Variants in MTHFD1L observed in about 807,000 individuals in gnomAD.
MTHFD1L encodes monofunctional C1-tetrahydrofolate synthase, mitochondrial.
In MTHFD1L, 81 loss-of-function variants were observed where a neutral mutation model predicts 119.5. The ratio of observed to expected loss-of-function variants is 0.68; its 90% CI spans 0.57 to 0.82. The LOEUF is 0.82. Among genes scored for constraint, MTHFD1L ranks in the 40% least tolerant of loss-of-function variants. The pLI is 0.00. For missense variants in MTHFD1L, 1,125 were observed against 1,253.4 expected (o/e 0.90, Z 1.55); for synonymous variants, 430 against 475.2 (o/e 0.90, Z 1.24).
chr6:151,015,463 A>G (rs1782915025), intron 23 of MTHFD1L, 53 bp from the exon 24 acceptor site: 8 of 1,549,116 alleles, frequency 5.2e-6, no homozygotes, highest in Non-Finnish European at 7.0e-6. Flanking sequence ...TCTTTCTTTG[A>G]AAACATAGCT....
At position 150,964,965 on chromosome 6, in the gene MTHFD1L, G is replaced by C. The variant is rs1452620281; in HGVS notation, c.1945-4G>C. 5.0e-6 allele frequency: 8 copies of C among 1,613,484 alleles called. No individual in the cohort carries two copies. The Admixed American group carries it at 1.0e-4, about 20-fold the overall frequency. On this transcript the variant is annotated splice_region_variant and splice_polypyrimidine_tract_variant and intron_variant, in intron 18 of 27. Transcript: ENST00000367321. The stretch of plus-strand genomic sequence containing the variant: ...GGAATCTAATGTTTTTCTCTCTCCT[G>C]TAGGGGGTGACAGGTGCTTTGACAG...
At chr6:151,035,588 T>C (rs924282848) in intron 25 of MTHFD1L, among the ~76,000 whole-genome samples, 2 of 152,208 alleles carry the variant, frequency 1.3e-5, no homozygotes, top group African/African-American at 4.8e-5. Flanking sequence ...AGCACTGCTC[T>C]GTGCACAGGC....
intron 24 of MTHFD1L, among the ~76,000 whole-genome samples, chr6:151,031,034 A>G (rs1785272358): frequency 6.6e-6 from 1 of 152,198 alleles, no homozygotes; most frequent in African/African-American, 2.4e-5. Context: ...TAAATTTTAA[A>G]AAAAGTTACC....
chr6:150,998,157 T>A (rs1226630327), intron 20 of MTHFD1L, among the ~76,000 whole-genome samples: 4 of 152,206 alleles, frequency 2.6e-5, no homozygotes, highest in Non-Finnish European at 5.9e-5. Flanking sequence ...CTATTTTATT[T>A]CCTTTTTTTA....
rs542407658 is a variant in MTHFD1L at position 150,988,050 on chromosome 6, A to G, written c.2125+15992A>G. Reference sequence around the variant, plus strand: ...GCCCATCCCTGCTTATGATTTATATATATTCTAAGTAATATGCTTAGAATG... The same window carrying G: ...GCCCATCCCTGCTTATGATTTATATGTATTCTAAGTAATATGCTTAGAATG... On this transcript the variant is annotated intron_variant, in intron 20 of 27. Transcript: ENST00000367321. Among the ~76,000 whole-genome samples, 31 of 152,328 alleles carry G rather than the reference A, an allele frequency of 2.0e-4. 2 individuals carry two copies. The South Asian group carries it at 6.4e-3, about 32-fold the overall frequency.
chr6:150,944,744 A>G, intron 14 of MTHFD1L, 151 bp downstream of exon 14: 5 of 638,146 alleles, frequency 7.8e-6, no homozygotes, highest in Middle Eastern at 5.2e-4. Context: ...CTGTTTCCCA[A>G]GGAGAAGGAG....
Position 151,092,509 on chromosome 6 carries a change from G to A in MTHFD1L, c.2890G>A (p.Asp964Asn). ...PGLPTRPCFY[D>N]IDLDTETEQV... is the part of the protein sequence containing the mutation. The stretch of plus-strand genomic sequence containing the variant: ...ACTGCCCACCCGGCCCTGCTTTTAT[G>A]ACATAGATCTTGATACCGAAACAGA... Residue 964 changes from aspartate to asparagine, a missense_variant, in exon 27 of 28, where the codon GAC (aspartate) becomes AAC (asparagine). Coordinates refer to ENST00000367321, the MANE Select transcript of MTHFD1L (RefSeq NM_015440.5). 3 of 1,614,128 alleles carry A rather than the reference G, an allele frequency of 1.9e-6. No homozygotes were observed. The highest frequency in any genetic ancestry group is 2.5e-6 in the Non-Finnish European group (3 of 1,180,024).
At chr6:151,082,498 C>G (rs1157438950) in intron 26 of MTHFD1L, among the ~76,000 whole-genome samples, 2 of 152,014 alleles carry the variant, frequency 1.3e-5, no homozygotes, top group African/African-American at 4.8e-5. Flanking sequence ...AATTGTAGAC[C>G]CAGAAAAATT....
At chr6:150,876,065 A>C in intron 1 of MTHFD1L, 25 bp from the exon 2 acceptor site, 1 of 1,519,596 alleles carries the variant, frequency 6.6e-7, no homozygotes, top group Non-Finnish European at 9.1e-7. Flanking sequence ...AAGAAATCAC[A>C]ATGTTGTTTT....
chr6:150,904,342 C>T (rs150630273), intron 7 of MTHFD1L, among the ~76,000 whole-genome samples: 19 of 152,224 alleles, frequency 1.2e-4, no homozygotes, highest in East Asian at 5.8e-4. Flanking sequence ...CATCAAAATA[C>T]GCAGGAAAGA....
chr6:150,901,964 CT>C lies in MTHFD1L; in HGVS notation c.781-3675del, dbSNP rs113707030. On this transcript the variant is annotated intron_variant, in intron 7 of 27. Transcript: ENST00000367321. ...TAAACCACAATTCTTTAGAAAATATCTTTTTTTTTTTACCCATTCTGGATTT... is the reference window on the plus strand; with the variant it reads ...TAAACCACAATTCTTTAGAAAATATCTTTTTTTTTTACCCATTCTGGATTT... 4.5e-3 allele frequency among the ~76,000 whole-genome samples: 654 copies of C among 146,336 alleles called. 2 individuals are homozygous for C. The highest frequency in any genetic ancestry group is 0.013 in the African/African-American group (524 of 40,126).
chr6:151,088,998 C>T (rs183064746), intron 26 of MTHFD1L, among the ~76,000 whole-genome samples: 7 of 152,246 alleles, frequency 4.6e-5, no homozygotes, highest in Admixed American at 1.3e-4. Context: ...TTTGGTCAGA[C>T]GAGCTGAAAT....
chr6:151,045,277 T>A (rs1326269914), intron 26 of MTHFD1L, among the ~76,000 whole-genome samples: 1 of 152,116 alleles, frequency 6.6e-6, no homozygotes, highest in Non-Finnish European at 1.5e-5. Context: ...CTTGGAGATG[T>A]GTAAGCAGTA....
chr6:150,974,724 C>CTTTT lies in MTHFD1L; in HGVS notation c.2125+2683_2125+2686dup, dbSNP rs58490721. ...TGCAGCAGGCGTCAGAATTCTCTTCCTTTTTTTTTTTTTTTTTTTTATTTT... is the reference window on the plus strand; with the variant it reads ...TGCAGCAGGCGTCAGAATTCTCTTCCTTTTTTTTTTTTTTTTTTTTTTTTATTTT... On this transcript the variant is annotated intron_variant, in intron 20 of 27. Transcript: ENST00000367321. 2.6e-4 allele frequency among the ~76,000 whole-genome samples: 38 copies of CTTTT among 144,708 alleles called. No homozygotes were observed. The East Asian group carries it at 6.6e-3, about 25-fold the overall frequency. The allele number at this position is 144,708 out of a possible 152,430, so 94.9% of individuals were successfully genotyped here. A position where few individuals can be genotyped will look rare whatever the true frequency, so the allele number is the denominator to read the frequency against.
At chr6:151,065,834 G>A (rs1487661703) in intron 26 of MTHFD1L, among the ~76,000 whole-genome samples, 1 of 152,206 alleles carries the variant, frequency 6.6e-6, no homozygotes, top group Non-Finnish European at 1.5e-5. Context: ...ACCAGGATAG[G>A]AGTGCTGATC....
At chr6:150,953,614 T>C (rs1795159822) in intron 16 of MTHFD1L, among the ~76,000 whole-genome samples, 3 of 152,198 alleles carry the variant, frequency 2.0e-5, no homozygotes, top group Admixed American at 6.5e-5. Flanking sequence ...GGGCTGGAAT[T>C]TAACCTTCAC....
intron 19 of MTHFD1L, among the ~76,000 whole-genome samples, chr6:150,971,055 C>A (rs1797941392): frequency 6.6e-6 from 1 of 152,122 alleles, no homozygotes; most frequent in Admixed American, 6.6e-5. Flanking sequence ...ATATAAAGTG[C>A]TTTTGCAAAG....
intron 10 of MTHFD1L, among the ~76,000 whole-genome samples, chr6:150,923,390 G>A (rs1281255758): frequency 6.6e-6 from 1 of 151,922 alleles, no homozygotes; most frequent in Non-Finnish European, 1.5e-5. Context: ...CCAAGGAATT[G>A]GCCCCACCCC....
At chr6:151,089,648 T>C (rs1172477936) in intron 26 of MTHFD1L, among the ~76,000 whole-genome samples, 2 of 152,176 alleles carry the variant, frequency 1.3e-5, no homozygotes, top group Non-Finnish European at 2.9e-5. Flanking sequence ...GCAAATGCCA[T>C]CTCAAAATGC....
Sources: gnomAD v4.1 joint callset for allele counts (sites outside exome capture counted in the v4.1 genomes callset) on GRCh38, gnomAD v4.1.1 for gene constraint, MANE v1.5 for transcripts, NCBI Gene and HGNC (gene_info 2026-07-23, HGNC 2026-07-21) for gene names.